DCDC2C: variants seen among roughly 807,000 people sequenced by gnomAD.
The protein encoded by DCDC2C is doublecortin domain-containing protein 2C.
A neutral mutation model predicts 45.0 loss-of-function variants in DCDC2C; 44 were observed. The observed-to-expected ratio is 0.98, with a 90% CI of 0.77 to 1.26. The LOEUF (loss-of-function observed/expected upper bound fraction) is 1.26, where lower values mean the gene tolerates loss of function less well. Ranked by LOEUF, DCDC2C falls within the 50% of genes most tolerant of loss-of-function variation. The probability of loss-of-function intolerance (pLI) is 0.00; values close to 1 mark genes in which losing one functional copy is unlikely to be tolerated. For synonymous variants in DCDC2C, 187 were observed against 178.8 expected, an observed-to-expected ratio of 1.05 and a Z score of -0.37; for missense variants, 447 against 468.9, an observed-to-expected ratio of 0.95 and a Z score of 0.43.
intron 10 of DCDC2C, among the ~76,000 whole-genome samples, chr2:3,808,150 A>G (rs1047102600): frequency 7.9e-5 from 12 of 152,208 alleles, no homozygotes; most frequent in Admixed American, 2.6e-4. Context: ...AGTGGATGGA[A>G]GTGAATGGAA....
At chr2:3,751,026 G>A (rs1177818118) in intron 4 of DCDC2C, among the ~76,000 whole-genome samples, 1 of 152,068 alleles carries the variant, frequency 6.6e-6, no homozygotes, top group South Asian at 2.1e-4. Flanking sequence ...TTCTTTCCAC[G>A]ACTTGTGTTT....
chr2:3,733,423 A>G (rs981755252), intron 3 of DCDC2C, among the ~76,000 whole-genome samples: 1 of 152,210 alleles, frequency 6.6e-6, no homozygotes, highest in South Asian at 2.1e-4. Flanking sequence ...TGGGTGGGCC[A>G]TGTGGCTCTC....
Position 3,770,750 on chromosome 2 carries a change from C to T in DCDC2C, c.954+1339C>T, listed in dbSNP as rs1029188260. 8.5e-5 allele frequency among the ~76,000 whole-genome samples: 13 copies of T among 152,340 alleles called. 2 individuals carry two copies. In the East Asian group the frequency reaches 1.2e-3, roughly 14 times the overall value. On this transcript the variant is annotated intron_variant, in intron 8 of 10. Coordinates refer to ENST00000399143, the MANE Select transcript of DCDC2C (RefSeq NM_001287444.2). ...AACTTTTCAACACAGGCAGAATCCT[C>T]GTGTGACAAGCACTGTTGTCATAAC...
At chr2:3,785,312 A>G (rs1670620197) in intron 10 of DCDC2C, among the ~76,000 whole-genome samples, 1 of 152,206 alleles carries the variant, frequency 6.6e-6, no homozygotes, top group African/African-American at 2.4e-5. Flanking sequence ...GGGTGGATGG[A>G]TCCTCAGGAA....
At chr2:3,778,735 G>A (rs1451373003) in intron 8 of DCDC2C, 81 bp from the exon 9 acceptor site, 23 of 1,343,160 alleles carry the variant, frequency 1.7e-5, no homozygotes, top group Middle Eastern at 1.8e-4. Context: ...CTAGAAGGTC[G>A]CACTATTTCA....
At chr2:3,781,754 C>T (rs1670514569) in intron 9 of DCDC2C, among the ~76,000 whole-genome samples, 1 of 152,062 alleles carries the variant, frequency 6.6e-6, no homozygotes, top group Non-Finnish European at 1.5e-5. Flanking sequence ...CCTGTAGTCC[C>T]AGCTCCCTGG....
At chr2:3,725,080 C>T (rs895083044) in intron 2 of DCDC2C, among the ~76,000 whole-genome samples, 2 of 152,124 alleles carry the variant, frequency 1.3e-5, no homozygotes, top group African/African-American at 4.8e-5. Context: ...AGGCCCCCGA[C>T]CTTCTGGGGG....
At chr2:3,780,092 G>C (rs1670469594) in intron 9 of DCDC2C, among the ~76,000 whole-genome samples, 2 of 152,164 alleles carry the variant, frequency 1.3e-5, no homozygotes, top group African/African-American at 4.8e-5. Flanking sequence ...GGATGAGTAG[G>C]GAAGACTGTC....
rs1668959293 is a variant in DCDC2C, at chr2:3,734,271, C to T, written c.416+7192C>T. 6.6e-6 allele frequency among the ~76,000 whole-genome samples: 1 copy of T among 152,212 alleles called. No homozygotes were observed. The highest frequency in any genetic ancestry group is 2.4e-5 in the African/African-American group (1 of 41,452). On this transcript the variant is annotated intron_variant, in intron 3 of 10. Coordinates refer to ENST00000399143, the MANE Select transcript of DCDC2C (RefSeq NM_001287444.2). This position sits in a 1 kb window ranked among gnomAD's most constrained non-coding sequence, Gnocchi z 4.2. ...GTAACACATGGCAGGGCTAGATAGC[C>T]AAGAGGTTTGTGCTGATTAGTGATG...
intron 9 of DCDC2C, among the ~76,000 whole-genome samples, chr2:3,782,885 T>C (rs1477318992): frequency 1.3e-5 from 2 of 152,212 alleles, no homozygotes; most frequent in East Asian, 1.9e-4. Context: ...TGTAAAGCAA[T>C]GCGTAATGGT....
At chr2:3,724,836 C>A (rs1668593357) in intron 2 of DCDC2C, among the ~76,000 whole-genome samples, 1 of 152,058 alleles carries the variant, frequency 6.6e-6, no homozygotes, top group African/African-American at 2.4e-5. Flanking sequence ...GGCAGCAGAC[C>A]CCTGGCAGAG....
chr2:3,790,753 G>T (rs1670782681), intron 10 of DCDC2C, among the ~76,000 whole-genome samples: 1 of 152,116 alleles, frequency 6.6e-6, no homozygotes, highest in African/African-American at 2.4e-5. Context: ...TGAAGTCTAA[G>T]GTCATTAGTA....
At chr2:3,759,230 T>TA (rs889217237) in intron 6 of DCDC2C, among the ~76,000 whole-genome samples, 2 of 152,202 alleles carry the variant, frequency 1.3e-5, no homozygotes, top group Non-Finnish European at 2.9e-5. Flanking sequence ...ACTCTGGATG[T>TA]AAAATCTTGG....
chr2:3,795,022 A>G (rs991646144), intron 10 of DCDC2C, among the ~76,000 whole-genome samples: 3 of 152,092 alleles, frequency 2.0e-5, no homozygotes, highest in Non-Finnish European at 4.4e-5. Flanking sequence ...CCTGTCCAGC[A>G]CCTGTTGTTT....
rs560856868 is a variant in DCDC2C, at chr2:3,708,885, T to TG, written c.339+292dup. Among the ~76,000 whole-genome samples the TG allele has an allele frequency of 6.2e-4, 95 of 152,296 alleles. 1 individual carries two copies. Among genetic ancestry groups the TG allele is most frequent in the African/African-American group, 2.1e-3 (89 of 41,562 alleles). ...TCAAGTGTTCATTTTCCTTTTGTTT[T>TG]GGGGGGGTTTGGAAAGACAGGTCTC... On this transcript the variant is annotated intron_variant, in intron 2 of 10. Transcript: ENST00000399143.
At position 3,827,685 on chromosome 2, in the gene DCDC2C, A is replaced by G. The variant is rs551340466; in HGVS notation, c.1066-19469A>G. Among the ~76,000 whole-genome samples, 20 of 152,346 alleles carry G rather than the reference A, an allele frequency of 1.3e-4. No homozygotes were observed. In the South Asian group the frequency reaches 2.7e-3, roughly 21 times the overall value. ...TTGCTGGTAACTTAAGAGAAAAGAC[A>G]TCATTCAGTGTGATAAATGCCAACT... On this transcript the variant is annotated intron_variant, in intron 10 of 10. Coordinates refer to ENST00000399143, the MANE Select transcript of DCDC2C (RefSeq NM_001287444.2).
intron 2 of DCDC2C, 59 bp downstream of exon 2, chr2:3,708,659 T>A: frequency 7.7e-7 from 1 of 1,299,414 alleles, no homozygotes; most frequent in Non-Finnish European, 1.1e-6. Flanking sequence ...GGTAAAAATT[T>A]AAATGTCGGC....
chr2:3,771,532 T>A (rs1166153570), intron 8 of DCDC2C, among the ~76,000 whole-genome samples: 3 of 152,244 alleles, frequency 2.0e-5, no homozygotes, highest in Non-Finnish European at 2.9e-5. Context: ...GTTAAAATTA[T>A]GTATAAGCTT....
chr2:3,772,294 C>T (rs750863327), intron 8 of DCDC2C, among the ~76,000 whole-genome samples: 20 of 152,192 alleles, frequency 1.3e-4, no homozygotes, highest in Non-Finnish European at 2.5e-4. Context: ...TCCTGTGACA[C>T]CTTCAATATC....
Sources: gnomAD v4.1 joint callset for allele counts (sites outside exome capture counted in the v4.1 genomes callset) on GRCh38, gnomAD v4.1.1 for gene constraint, Gnocchi (gnomAD v3.1) non-coding constraint, MANE v1.5 for transcripts, NCBI Gene and HGNC (gene_info 2026-07-23, HGNC 2026-07-21) for gene names.